The following ZNHIT6 variants were observed in gnomAD, a reference collection of about 807,000 sequenced individuals.
ZNHIT6 encodes box C/D snoRNA protein 1.
ZNHIT6 carries 45 observed loss-of-function variants against 57.2 expected under a neutral mutation model. That is an observed-to-expected ratio of 0.79 (90% CI 0.62 to 1.01). The LOEUF (loss-of-function observed/expected upper bound fraction) is 1.01. Ranked by LOEUF, ZNHIT6 falls within the 50% of genes least tolerant of loss-of-function variation. The pLI is 0.00. For missense variants in ZNHIT6, 528 were observed against 567.3 expected (o/e 0.93, Z 0.70); for synonymous variants, 188 against 190.0 (o/e 0.99, Z 0.09).
Position 85,653,361 on chromosome 1 carries a change from G to C in ZNHIT6, c.*697C>G, listed in dbSNP as rs930434128. On this transcript the variant is annotated 3_prime_UTR_variant, in exon 10 of 10. Transcript: ENST00000370574. ...TAGAAGATTAGTTCTCCTGTGGCTAGACGGTGCGTTGTACAGCCTTTCCGT... is the reference window on the plus strand; with the variant it reads ...TAGAAGATTAGTTCTCCTGTGGCTACACGGTGCGTTGTACAGCCTTTCCGT... 1 of 152,202 alleles carries C rather than the reference G, an allele frequency of 6.6e-6. No homozygotes were observed. Among genetic ancestry groups the C allele is most frequent in the Non-Finnish European group, 1.5e-5 (1 of 68,046 alleles). The allele number at this position is 152,202 out of a possible 1,614,324, so 9.4% of individuals were successfully genotyped here.
chr1:85,680,871 C>A lies in ZNHIT6; in HGVS notation c.1053G>T (p.Gln351His). The change falls in exon 6 of 10, where the codon CAG becomes CAT. Residue 351 changes from glutamine (Q) to histidine (H), a missense_variant. Coordinates refer to ENST00000370574, the MANE Select transcript of ZNHIT6 (RefSeq NM_017953.4). ...TGTACTCAGCTTGACTTTGAGGAAACTGGAGCTTCACATGCCAACAAAACT... is the reference window on the plus strand; with the variant it reads ...TGTACTCAGCTTGACTTTGAGGAAAATGGAGCTTCACATGCCAACAAAACT... The part of the protein sequence containing the change: ...KQQFCWHVKL[Q>H]FPQSQAEYIE... The A allele has an allele frequency of 1.9e-6, 3 of 1,612,704 alleles. No homozygotes were observed. The highest frequency in any genetic ancestry group is 2.5e-6 in the Non-Finnish European group (3 of 1,179,394).
At chr1:85,670,915 CA>C (rs1317371019) in intron 8 of ZNHIT6, among the ~76,000 whole-genome samples, 1 of 152,100 alleles carries the variant, frequency 6.6e-6, no homozygotes, top group East Asian at 1.9e-4. Flanking sequence ...AAATGCGTAC[CA>C]ACATTTGTTG....
chr1:85,698,677 T>C (rs536699518), intron 5 of ZNHIT6, among the ~76,000 whole-genome samples: 1 of 152,238 alleles, frequency 6.6e-6, no homozygotes, highest in Admixed American at 6.5e-5. Context: ...CAAGACCAAC[T>C]TCTCATATCA....
chr1:85,674,998 TG>T (rs1481263924), intron 8 of ZNHIT6, among the ~76,000 whole-genome samples: 4 of 152,184 alleles, frequency 2.6e-5, no homozygotes, highest in African/African-American at 7.2e-5. Context: ...AAATGTGTAC[TG>T]TAAGTCCATG....
In ZNHIT6 at chr1:85,650,309, A is replaced by T. The variant is rs547874511; in HGVS notation, c.*3749T>A. On this transcript the variant is annotated 3_prime_UTR_variant, in exon 10 of 10. Transcript: ENST00000370574. ...CTCACTGTTCCTCATCCCATACAGA[A>T]TATCCCCAAAGGGAAAATCTGAAAA... 4 of 152,268 alleles carry T rather than the reference A, an allele frequency of 2.6e-5. No homozygotes were observed. Among genetic ancestry groups the T allele is most frequent in the South Asian group, 4.1e-4 (2 of 4,834 alleles). The allele number at this position is 152,268 out of a possible 1,614,324, so 9.4% of individuals were successfully genotyped here. A position where few individuals can be genotyped will look rare whatever the true frequency, so the allele number is the denominator to read the frequency against.
At chr1:85,662,583 A>G (rs1347185820) in intron 8 of ZNHIT6, among the ~76,000 whole-genome samples, 1 of 152,180 alleles carries the variant, frequency 6.6e-6, no homozygotes, top group Non-Finnish European at 1.5e-5. Flanking sequence ...TCTGTGTAAC[A>G]ATTTTTGCAA....
chr1:85,657,787 T>A (rs999250520), intron 9 of ZNHIT6, 60 bp downstream of exon 9: 10 of 1,496,906 alleles, frequency 6.7e-6, no homozygotes, highest in Middle Eastern at 1.8e-4. Flanking sequence ...AGGGTGGACA[T>A]ATTTTGCTTT....
intron 8 of ZNHIT6, among the ~76,000 whole-genome samples, chr1:85,674,324 G>A (rs779373685): frequency 6.6e-5 from 10 of 151,402 alleles, no homozygotes; most frequent in Non-Finnish European, 1.5e-4. Flanking sequence ...TTTCGGAGAC[G>A]AGGTCCTGCT....
Position 85,677,331 on chromosome 1 carries a change from T to C in ZNHIT6, c.1170-18A>G. 1.3e-6 allele frequency: 2 copies of C among 1,589,490 alleles called. No individual in the cohort carries two copies. Among genetic ancestry groups the C allele is most frequent in the Non-Finnish European group, 1.7e-6 (2 of 1,169,764 alleles). On this transcript the variant is annotated intron_variant, in intron 7 of 9. Coordinates refer to ENST00000370574, the MANE Select transcript of ZNHIT6 (RefSeq NM_017953.4). ...CTTTCAACCTGAAATAAAAACATCA[T>C]ATTGAAGGAAAAGCTGATTTTTAAT...
At chr1:85,675,960 G>A (rs542554583) in intron 8 of ZNHIT6, among the ~76,000 whole-genome samples, 1 of 152,270 alleles carries the variant, frequency 6.6e-6, no homozygotes, top group African/African-American at 2.4e-5. Flanking sequence ...CCTAGCTCTG[G>A]ATTAGGCTTT....
At chr1:85,675,109 A>G (rs1049055312) in intron 8 of ZNHIT6, among the ~76,000 whole-genome samples, 10 of 152,240 alleles carry the variant, frequency 6.6e-5, no homozygotes, top group South Asian at 6.2e-4. Flanking sequence ...CAAAGGGAGC[A>G]GTTAAGGAAA....
chr1:85,682,743 G>C (rs889188256), intron 5 of ZNHIT6, among the ~76,000 whole-genome samples: 5 of 152,082 alleles, frequency 3.3e-5, no homozygotes, highest in Non-Finnish European at 7.4e-5. Context: ...AAGAAAAACA[G>C]AATAATGTAA....
chr1:85,677,612 T>C (rs149618523), intron 7 of ZNHIT6, among the ~76,000 whole-genome samples: 2 of 152,334 alleles, frequency 1.3e-5, no homozygotes, highest in African/African-American at 4.8e-5. Flanking sequence ...ATATGACTAA[T>C]GATAATAACT....
intron 4 of ZNHIT6, among the ~76,000 whole-genome samples, chr1:85,705,367 A>G (rs984330536): frequency 4.6e-5 from 7 of 152,122 alleles, no homozygotes; most frequent in East Asian, 1.9e-4. Context: ...GGGGCACGCC[A>G]CCACGCCTGG....
chr1:85,702,072 T>C (rs1178831982), intron 5 of ZNHIT6, 85 bp downstream of exon 5: 1 of 819,936 alleles, frequency 1.2e-6, no homozygotes, highest in African/African-American at 1.7e-5. Flanking sequence ...ACACTTGGGG[T>C]AGCAATGCTC....
At chr1:85,675,205 T>C (rs564372551) in intron 8 of ZNHIT6, among the ~76,000 whole-genome samples, 1 of 152,302 alleles carries the variant, frequency 6.6e-6, no homozygotes, top group Admixed American at 6.5e-5. Flanking sequence ...TTAAGACTTA[T>C]TTTAACAAAG....
intron 5 of ZNHIT6, among the ~76,000 whole-genome samples, chr1:85,685,849 G>A (rs1415137517): frequency 1.3e-5 from 2 of 151,902 alleles, no homozygotes; most frequent in Non-Finnish European, 2.9e-5. Flanking sequence ...GTGAGCCACC[G>A]TACCTGGCTG....
intron 9 of ZNHIT6, among the ~76,000 whole-genome samples, chr1:85,656,965 A>G (rs1306961317): frequency 6.6e-6 from 1 of 152,154 alleles, no homozygotes; most frequent in Non-Finnish European, 1.5e-5. Flanking sequence ...TACTTAAAAA[A>G]TAGTATCAAT....
intron 8 of ZNHIT6, among the ~76,000 whole-genome samples, chr1:85,673,017 C>T (rs1326427006): frequency 6.6e-6 from 1 of 152,126 alleles, no homozygotes; most frequent in Admixed American, 6.5e-5. Context: ...ACAACAGCTG[C>T]CCTCTGATAG....
Sources: allele counts gnomAD v4.1 joint callset (sites outside exome capture counted in the v4.1 genomes callset), GRCh38; gene constraint gnomAD v4.1.1; transcripts MANE v1.5; gene names NCBI Gene and HGNC (gene_info 2026-07-23, HGNC 2026-07-21).